The following UNC93A variants were observed in gnomAD, a reference collection of about 807,000 sequenced individuals.
UNC93A encodes the protein N-acetylglucosamine transporter UNC93A.
Under a neutral mutation model 47.5 loss-of-function variants are expected in UNC93A, and 43 were observed. The observed-to-expected ratio is 0.91, with a 90% confidence interval of 0.71 to 1.17. The LOEUF is 1.17. UNC93A is among the 50% of genes most tolerant of loss of function. The pLI, the probability that UNC93A is intolerant of heterozygous loss-of-function variation, is 0.00. For synonymous variants in UNC93A, 280 were observed against 258.0 expected (o/e 1.09, Z -0.82); for missense variants, 605 against 577.6 (o/e 1.05, Z -0.49).
rs1778313061 is a variant in UNC93A at position 167,304,030 on chromosome 6, T to C, written c.737T>C (p.Leu246Pro). 6.2e-7 allele frequency: 1 copy of C among 1,613,972 alleles called. No homozygotes were observed. Among genetic ancestry groups the C allele is most frequent in the Non-Finnish European group, 8.5e-7 (1 of 1,180,004 alleles). ...TCAGTACCTTTCTGGTCCACTTTAC[T>C]GTCGACTTTCAAGCTATATAGAGAT... Reference protein sequence around the residue: ...KKSVPFWSTLLSTFKLYRDKR... With the variant: ...KKSVPFWSTLPSTFKLYRDKR... Residue 246 changes from leucine to proline, a missense_variant, in exon 5 of 8, where the codon CTG becomes CCG. Coordinates refer to ENST00000230256, the MANE Select transcript of UNC93A (RefSeq NM_018974.4).
chr6:167,297,273 C>T (rs1375946521), intron 3 of UNC93A, among the ~76,000 whole-genome samples: 3 of 151,536 alleles, frequency 2.0e-5, no homozygotes, highest in Admixed American at 1.3e-4. Flanking sequence ...TGTGCTTCTC[C>T]ACCTTCTTGT....
intron 2 of UNC93A, 143 bp downstream of exon 2, chr6:167,294,841 G>C: frequency 1.1e-6 from 1 of 911,016 alleles, no homozygotes; most frequent in Non-Finnish European, 1.6e-6. Context: ...CTGCACCCCC[G>C]CCTCGCTTTG....
chr6:167,275,759 C>G (rs1249664799), intron 1 of UNC93A, among the ~76,000 whole-genome samples: 1 of 152,246 alleles, frequency 6.6e-6, no homozygotes, highest in Non-Finnish European at 1.5e-5. Context: ...GTGTCCAGCT[C>G]AGATGCAACC....
At chr6:167,297,447 A>G (rs1778118039) in intron 3 of UNC93A, among the ~76,000 whole-genome samples, 1 of 152,194 alleles carries the variant, frequency 6.6e-6, no homozygotes, top group Non-Finnish European at 1.5e-5. Flanking sequence ...ACTGAGAGTC[A>G]TTGCTAATTC....
chr6:167,306,028 C>T lies in UNC93A; in HGVS notation c.954C>T (p.Gly318=). 6.2e-7 allele frequency: 1 copy of T among 1,614,192 alleles called. No individual in the cohort carries two copies. Among genetic ancestry groups the T allele is most frequent in the East Asian group, 2.2e-5 (1 of 44,882 alleles). ...VLYGKVSQYT[G]RAVLYVLGAV... Reference sequence around the variant, plus strand: ...ATGGAAAGGTCTCGCAGTACACGGGCAGGGCTGTGCTGTACGTGCTGGGTA... The same window carrying T: ...ATGGAAAGGTCTCGCAGTACACGGGTAGGGCTGTGCTGTACGTGCTGGGTA... Residue 318 remains glycine, a synonymous_variant, in exon 6 of 8, where the codon GGC becomes GGT. Coordinates refer to ENST00000230256, the MANE Select transcript of UNC93A (RefSeq NM_018974.4).
chr6:167,312,278 T>C (rs1778580305), intron 7 of UNC93A, among the ~76,000 whole-genome samples: 2 of 151,088 alleles, frequency 1.3e-5, no homozygotes, highest in South Asian at 4.3e-4. Context: ...ATGTTAACCT[T>C]GATCCCGTTG....
At chr6:167,280,934 A>G (rs556777691) in intron 1 of UNC93A, among the ~76,000 whole-genome samples, 1 of 152,354 alleles carries the variant, frequency 6.6e-6, no homozygotes, top group African/African-American at 2.4e-5. Flanking sequence ...CACAGCATTT[A>G]GAATCATCTT....
chr6:167,288,907 G>A (rs542176139), upstream of UNC93A, among the ~76,000 whole-genome samples: 2 of 152,384 alleles, frequency 1.3e-5, no homozygotes, highest in East Asian at 3.9e-4. Context: ...CAGGGCATCT[G>A]TCATTTTAAC....
chr6:167,277,124 G>T (rs543809683), intron 1 of UNC93A, among the ~76,000 whole-genome samples: 11 of 152,354 alleles, frequency 7.2e-5, no homozygotes, highest in Admixed American at 2.6e-4. Context: ...TTTGTCTCCA[G>T]TAGGATCACC....
At position 167,271,487 on chromosome 6, in the gene UNC93A, CCT is replaced by C. The variant is rs1375222249; in HGVS notation, c.-52+32_-52+33del. 2.0e-5 allele frequency: 3 copies of C among 152,318 alleles called. No homozygotes were observed. The East Asian group carries it at 5.8e-4, about 29-fold the overall frequency. The allele number at this position is 152,318 out of a possible 1,614,324, so 9.4% of individuals were successfully genotyped here. A position where few individuals can be genotyped will look rare whatever the true frequency, so the allele number is the denominator to read the frequency against. On this transcript the variant is annotated intron_variant, in intron 1 of 3. Coordinates refer to the UNC93A transcript ENST00000503433. ...AGATGTGGGATGGGCTCCGTGGCTG[CCT>C]CTGTTTCCTGCCTTCTGTCTGTAAA... is the stretch of plus-strand genomic sequence containing the variant.
At chr6:167,307,980 G>A (rs2115172347) in intron 7 of UNC93A, 70 bp downstream of exon 7, 1 of 1,584,800 alleles carries the variant, frequency 6.3e-7, no homozygotes, top group Non-Finnish European at 8.6e-7. Flanking sequence ...CAACTGTGGG[G>A]CTCATTAGAT....
At chr6:167,269,831 G>A (rs1783422567), upstream of UNC93A, among the ~76,000 whole-genome samples, 1 of 152,004 alleles carries the variant, frequency 6.6e-6, no homozygotes, top group Non-Finnish European at 1.5e-5. Context: ...TGGCCAGGAT[G>A]GTCTCTATCT....
chr6:167,281,760 C>T (rs1419029476), intron 1 of UNC93A, among the ~76,000 whole-genome samples: 1 of 152,152 alleles, frequency 6.6e-6, no homozygotes, highest in Non-Finnish European at 1.5e-5. Flanking sequence ...TCAAGCCAAG[C>T]AGTGGGCTGT....
intron 1 of UNC93A, among the ~76,000 whole-genome samples, chr6:167,283,364 C>A (rs964270256): frequency 2.6e-5 from 4 of 152,078 alleles, no homozygotes; most frequent in Non-Finnish European, 5.9e-5. Context: ...GCCAGTTGTT[C>A]CTGAATTCCA....
Position 167,305,909 on chromosome 6 carries a change from C to T in UNC93A, c.841-6C>T, listed in dbSNP as rs1278028416. On this transcript the variant is annotated splice_region_variant and splice_polypyrimidine_tract_variant and intron_variant, in intron 5 of 7. Transcript: ENST00000230256. ...CCATGACGTGGCTCTGCACCCCTCT[C>T]CCCAGTCCTATGTCACCTGCACCCT... The T allele has an allele frequency of 1.1e-5, 18 of 1,614,034 alleles. No homozygotes were observed. Among genetic ancestry groups the T allele is most frequent in the Non-Finnish European group, 1.5e-5 (18 of 1,180,032 alleles).
At chr6:167,296,797 A>T (rs1272157522) in intron 3 of UNC93A, among the ~76,000 whole-genome samples, 1 of 152,170 alleles carries the variant, frequency 6.6e-6, no homozygotes, top group Non-Finnish European at 1.5e-5. Flanking sequence ...CCATGACCTT[A>T]GTGCCCACGT....
intron 1 of UNC93A, among the ~76,000 whole-genome samples, chr6:167,278,107 C>A (rs1349724988): frequency 6.6e-6 from 1 of 152,218 alleles, no homozygotes. Context: ...AGAGCCCAGA[C>A]TTCCCGAGGG....
chr6:167,282,360 A>G (rs1280458147), intron 1 of UNC93A, among the ~76,000 whole-genome samples: 3 of 152,022 alleles, frequency 2.0e-5, no homozygotes, highest in Non-Finnish European at 4.4e-5. Context: ...GGGTCAAGAG[A>G]AAGTGTGCAT....
At chr6:167,272,367 T>G (rs1269238942) in intron 1 of UNC93A, among the ~76,000 whole-genome samples, 1 of 152,126 alleles carries the variant, frequency 6.6e-6, no homozygotes, top group East Asian at 1.9e-4. Flanking sequence ...TCCAAAGATA[T>G]GATGAAGAAT....
Sources: gnomAD v4.1 joint callset for allele counts (sites outside exome capture counted in the v4.1 genomes callset) on GRCh38, gnomAD v4.1.1 for gene constraint, MANE v1.5 for transcripts, NCBI Gene and HGNC (gene_info 2026-07-23, HGNC 2026-07-21) for gene names.